The following MINDY3 variants were observed in gnomAD, a reference collection of about 807,000 sequenced individuals.
The protein encoded by MINDY3 is MINDY lysine 48 deubiquitinase 3, also known as ubiquitin carboxyl-terminal hydrolase MINDY-3.
In MINDY3, 38 loss-of-function variants were observed where a neutral mutation model predicts 69.2. The ratio of observed to expected loss-of-function variants is 0.55; its 90% CI spans 0.42 to 0.72. MINDY3 has a LOEUF of 0.72. MINDY3 is among the 30% of genes least tolerant of loss of function. The probability of loss-of-function intolerance (pLI) is 0.00; values close to 1 mark genes in which losing one functional copy is unlikely to be tolerated. For missense variants in MINDY3, 522 were observed against 519.0 expected (o/e 1.01, Z -0.06); for synonymous variants, 192 against 180.1 (o/e 1.07, Z -0.53).
chr10:15,788,236 T>G (rs1278154718), intron 12 of MINDY3, among the ~76,000 whole-genome samples: 1 of 152,156 alleles, frequency 6.6e-6, no homozygotes, highest in Non-Finnish European at 1.5e-5. Flanking sequence ...ATACCATTTG[T>G]TGGACTAGTT....
At chr10:15,859,818 C>T (rs1362141635) in intron 1 of MINDY3, among the ~76,000 whole-genome samples, 2 of 152,230 alleles carry the variant, frequency 1.3e-5, no homozygotes, top group Non-Finnish European at 2.9e-5. Flanking sequence ...AGACCAACCA[C>T]CACCAATAGA....
Position 15,778,727 on chromosome 10 carries a change from G to A in MINDY3, c.*265C>T. 2 of 305,748 alleles carry A rather than the reference G, an allele frequency of 6.5e-6. No individual in the cohort carries two copies. The highest frequency in any genetic ancestry group is 1.6e-4 in the South Asian group (2 of 12,832). 18.9% of individuals were successfully genotyped at this position (305,748 alleles called of 1,614,324 possible). A position where few individuals can be genotyped will look rare whatever the true frequency, so the allele number is the denominator to read the frequency against. On this transcript the variant is annotated 3_prime_UTR_variant, in exon 15 of 15. Coordinates refer to ENST00000277632, the MANE Select transcript of MINDY3 (RefSeq NM_024948.4). The stretch of plus-strand genomic sequence containing the variant: ...TGTAATTTGGTAAGTAAATGACCAA[G>A]TATCTGAATGCAAAAGTGATGAACT...
Position 15,828,123 on chromosome 10 carries a change from A to G in MINDY3, c.730+5507T>C, listed in dbSNP as rs543279945. On this transcript the variant is annotated intron_variant, in intron 8 of 14. Coordinates refer to ENST00000277632, the MANE Select transcript of MINDY3 (RefSeq NM_024948.4). ...AGAAACACTAAAATATACATCTCAT[A>G]AAAACTTGTACATGAATGTACCTCA... Among the ~76,000 whole-genome samples, 137 of 152,328 alleles carry G rather than the reference A, an allele frequency of 9.0e-4. 1 individual carries two copies. The highest frequency in any genetic ancestry group is 3.1e-3 in the African/African-American group (129 of 41,584).
intron 9 of MINDY3, among the ~76,000 whole-genome samples, chr10:15,820,986 C>A (rs1056576858): frequency 6.6e-6 from 1 of 152,172 alleles, no homozygotes; most frequent in African/African-American, 2.4e-5. Flanking sequence ...ACTAGATCTA[C>A]TTCTTTCTCC....
At chr10:15,828,051 A>T (rs1840208043) in intron 8 of MINDY3, among the ~76,000 whole-genome samples, 1 of 152,200 alleles carries the variant, frequency 6.6e-6, no homozygotes, top group African/African-American at 2.4e-5. Context: ...GTTAAACCTT[A>T]TGAGTTACCG....
chr10:15,834,824 A>G (rs1402841658), intron 6 of MINDY3, among the ~76,000 whole-genome samples: 4 of 152,080 alleles, frequency 2.6e-5, no homozygotes, highest in Non-Finnish European at 4.4e-5. Context: ...CATGGGCTCT[A>G]TATAAACAAC....
chr10:15,856,317 CTTT>C (rs1834686771), intron 1 of MINDY3, among the ~76,000 whole-genome samples: 1 of 151,498 alleles, frequency 6.6e-6, no homozygotes, highest in South Asian at 2.1e-4. Context: ...TGTTAAATAT[CTTT>C]TTTTCATATT....
intron 11 of MINDY3, among the ~76,000 whole-genome samples, chr10:15,793,794 GA>G (rs1292146570): frequency 3.3e-5 from 5 of 152,072 alleles, no homozygotes; most frequent in African/African-American, 1.2e-4. Context: ...AGGTTTTAAT[GA>G]GGTCATGGAG....
intron 4 of MINDY3, among the ~76,000 whole-genome samples, chr10:15,840,974 C>T (rs546886842): frequency 1.1e-4 from 17 of 151,202 alleles, no homozygotes; most frequent in Admixed American, 3.3e-4. Flanking sequence ...CCAAATAATT[C>T]GGAAAGAAAA....
Position 15,832,134 on chromosome 10 carries a change from C to T in MINDY3, c.730+1496G>A, listed in dbSNP as rs74964942. Among the ~76,000 whole-genome samples, 923 of 152,132 alleles carry T rather than the reference C, an allele frequency of 6.1e-3. 13 individuals carry two copies. Among genetic ancestry groups the T allele is most frequent in the African/African-American group, 0.021 (875 of 41,494 alleles). ...GGTAAGCTATCGAGAATCCGGAGAA[C>T]GCGTAGAAAGATGAACCACACTGAT... On this transcript the variant is annotated intron_variant, in intron 8 of 14. Transcript: ENST00000277632.
At chr10:15,834,498 A>G (rs770274653) in intron 7 of MINDY3, 45 bp downstream of exon 7, 2 of 1,371,124 alleles carry the variant, frequency 1.5e-6, no homozygotes, top group African/African-American at 2.9e-5. Flanking sequence ...CAAGTTTCTA[A>G]AAACTGGAGT....
chr10:15,816,282 G>GAAAAAAAAAAAAAAAAA (rs1421619763), intron 10 of MINDY3, among the ~76,000 whole-genome samples: 6 of 108,494 alleles, frequency 5.5e-5, no homozygotes, highest in African/African-American at 3.1e-4. Context: ...AAAAAAAAAT[G>GAAAAAAAAAAAAAAAAA]AAAAAGAAAA....
chr10:15,792,689 G>T (rs1021657592), intron 11 of MINDY3, among the ~76,000 whole-genome samples: 22 of 151,558 alleles, frequency 1.5e-4, no homozygotes, highest in African/African-American at 5.1e-4. Context: ...ACATATTTTA[G>T]CAACTTAACA....
At position 15,843,209 on chromosome 10, in the gene MINDY3, T is replaced by C; in HGVS notation, c.235+3A>G. 5.0e-6 allele frequency: 8 copies of C among 1,611,718 alleles called. No individual in the cohort carries two copies. Among genetic ancestry groups the C allele is most frequent in the East Asian group, 2.2e-5 (1 of 44,820 alleles). ...CAAAAGTTTTAAAAGACAGCTATCA[T>C]ACCTGAACAATCCCGCCAAGAAGAC... On this transcript the variant is annotated splice_donor_region_variant and intron_variant, in intron 3 of 14. Coordinates refer to ENST00000277632, the MANE Select transcript of MINDY3 (RefSeq NM_024948.4).
chr10:15,814,825 A>C (rs1328833215), intron 10 of MINDY3, among the ~76,000 whole-genome samples: 1 of 152,110 alleles, frequency 6.6e-6, no homozygotes, highest in Non-Finnish European at 1.5e-5. Flanking sequence ...TACTCATAAA[A>C]AGAAGGGCCT....
At chr10:15,789,102 C>T (rs577498822) in intron 12 of MINDY3, 145 bp downstream of exon 12, 17 of 504,918 alleles carry the variant, frequency 3.4e-5, no homozygotes, top group South Asian at 2.6e-4. Flanking sequence ...TGGATTAGTT[C>T]GATTTCTTAA....
At chr10:15,809,774 T>C (rs1239968191) in intron 10 of MINDY3, among the ~76,000 whole-genome samples, 1 of 152,072 alleles carries the variant, frequency 6.6e-6, no homozygotes, top group Admixed American at 6.6e-5. Context: ...GTGGCTTAGA[T>C]GCATTTCTCA....
chr10:15,795,154 C>T (rs934453019), intron 11 of MINDY3, among the ~76,000 whole-genome samples: 4 of 152,006 alleles, frequency 2.6e-5, no homozygotes, highest in Non-Finnish European at 4.4e-5. Flanking sequence ...CTGCTTGTAC[C>T]ACTGGGCAAG....
Position 15,857,712 on chromosome 10 carries a change from TA to T in MINDY3, c.94+2493del, listed in dbSNP as rs201042238. On this transcript the variant is annotated intron_variant, in intron 1 of 14. Coordinates refer to ENST00000277632, the MANE Select transcript of MINDY3 (RefSeq NM_024948.4). ...AAGAAAAAAAACACCCCGCATTTTTTAAAACGAACAGGGATTTGTAGAAGAG... is the reference window on the plus strand; with the variant it reads ...AAGAAAAAAAACACCCCGCATTTTTTAAACGAACAGGGATTTGTAGAAGAG... Among the ~76,000 whole-genome samples, 1,038 of 152,300 alleles carry T rather than the reference TA, an allele frequency of 6.8e-3. 14 individuals are homozygous for T. Among genetic ancestry groups the T allele is most frequent in the African/African-American group, 0.023 (972 of 41,552 alleles).
Sources: gnomAD v4.1 joint callset for allele counts (sites outside exome capture counted in the v4.1 genomes callset) on GRCh38, gnomAD v4.1.1 for gene constraint, MANE v1.5 for transcripts, NCBI Gene and HGNC (gene_info 2026-07-23, HGNC 2026-07-21) for gene names.